C16orf78: variants seen among roughly 807,000 people sequenced by gnomAD.
C16orf78 encodes uncharacterized protein C16orf78.
In C16orf78, 19 loss-of-function variants were observed where a neutral mutation model predicts 27.3. That is an observed-to-expected ratio of 0.70 (90% CI 0.49 to 1.02). The LOEUF is 1.02. C16orf78 is among the 50% of genes least tolerant of loss of function. The pLI, the probability that C16orf78 is intolerant of heterozygous loss-of-function variation, is 0.00. For synonymous variants in C16orf78, 130 were observed against 116.1 expected (o/e 1.12, Z -0.77); for missense variants, 339 against 337.0 (o/e 1.01, Z -0.05).
chr16:49,399,078 G>T, intron 4 of C16orf78, 53 bp from the exon 5 acceptor site: 1 of 1,582,528 alleles, frequency 6.3e-7, no homozygotes, highest in South Asian at 1.1e-5. Flanking sequence ...AATAAAGTTA[G>T]AAGCTGCTGT....
intron 3 of C16orf78, among the ~76,000 whole-genome samples, chr16:49,379,334 C>A (rs1003905656): frequency 2.0e-5 from 3 of 151,794 alleles, no homozygotes; most frequent in African/African-American, 7.3e-5. Flanking sequence ...AAAACAGATA[C>A]ATTTGTTATG....
intron 3 of C16orf78, among the ~76,000 whole-genome samples, chr16:49,378,864 T>C (rs2356264): frequency 6.8e-6 from 1 of 147,358 alleles, no homozygotes; most frequent in Non-Finnish European, 1.5e-5. Context: ...ACCAGCCTCA[T>C]GTGTCCAGGT....
At chr16:49,399,090 A>G in intron 4 of C16orf78, 41 bp from the exon 5 acceptor site, 1 of 1,602,966 alleles carries the variant, frequency 6.2e-7, no homozygotes, top group Non-Finnish European at 8.5e-7. Flanking sequence ...AGCTGCTGTG[A>G]CTCCACCTTC....
Position 49,396,466 on chromosome 16 carries a change from G to T in C16orf78, c.438G>T (p.Arg146=). 1.9e-6 allele frequency: 3 copies of T among 1,614,132 alleles called. No individual in the cohort carries two copies. Among genetic ancestry groups the T allele is most frequent in the Non-Finnish European group, 2.5e-6 (3 of 1,180,018 alleles). ...CAGTCGACCCAGAGTCCACTCAGCG[G>T]CCAAACCCATTCCGTCGACAAAGCA... ...KDAVDPESTQ[R]PNPFRRQSIV... is the part of the protein sequence containing the mutation. The change falls in exon 4 of 5, where the codon CGG becomes CGT. Residue 146 remains arginine, a synonymous_variant. Transcript: ENST00000299191.
chr16:49,382,667 C>T (rs539363613), intron 3 of C16orf78, among the ~76,000 whole-genome samples: 39 of 152,242 alleles, frequency 2.6e-4, no homozygotes, highest in Non-Finnish European at 5.0e-4. Flanking sequence ...AGGAAGCACT[C>T]ACTCTCAGAT....
intron 3 of C16orf78, among the ~76,000 whole-genome samples, chr16:49,386,597 C>G (rs1965354426): frequency 1.3e-5 from 2 of 152,270 alleles, no homozygotes; most frequent in South Asian, 4.2e-4. Context: ...CTTCCTCCTC[C>G]CACCCTCCAC....
intron 3 of C16orf78, among the ~76,000 whole-genome samples, chr16:49,393,113 C>A (rs1159809557): frequency 6.6e-6 from 1 of 152,136 alleles, no homozygotes; most frequent in Non-Finnish European, 1.5e-5. Context: ...TATAAATTAC[C>A]CAGTCTCGGG....
chr16:49,398,690 T>C (rs1350988502), intron 4 of C16orf78, among the ~76,000 whole-genome samples: 19 of 152,198 alleles, frequency 1.2e-4, no homozygotes, highest in Non-Finnish European at 2.9e-5. Flanking sequence ...CCATTCTAAC[T>C]GTGGCCTTTT....
Position 49,399,057 on chromosome 16 carries a change from A to G in C16orf78, c.651-74A>G. 4.6e-6 allele frequency: 7 copies of G among 1,509,118 alleles called. No homozygotes were observed. In the Admixed American group the frequency reaches 5.3e-5, roughly 11 times the overall value. The allele number at this position is 1,509,118 out of a possible 1,614,324, so 93.5% of individuals were successfully genotyped here. A position where few individuals can be genotyped will look rare whatever the true frequency, so the allele number is the denominator to read the frequency against. On this transcript the variant is annotated intron_variant, in intron 4 of 4. Transcript: ENST00000299191. The stretch of plus-strand genomic sequence containing the variant: ...CCCACACTTACTGCTGCTCAAATCT[A>G]AGCTCTTTTCAATAAAGTTAGAAGC...
chr16:49,375,329 T>C (rs529582303), intron 1 of C16orf78, among the ~76,000 whole-genome samples: 1 of 151,998 alleles, frequency 6.6e-6, no homozygotes, highest in East Asian at 1.9e-4. Context: ...GGTCATTTAT[T>C]TAAAAAAAAA....
At chr16:49,395,044 T>C (rs1438444710) in intron 3 of C16orf78, among the ~76,000 whole-genome samples, 1 of 152,024 alleles carries the variant, frequency 6.6e-6, no homozygotes, top group African/African-American at 2.4e-5. Flanking sequence ...TTTTTTTTGT[T>C]GTTGTTAGAG....
At chr16:49,383,003 G>T (rs943336643) in intron 3 of C16orf78, among the ~76,000 whole-genome samples, 3 of 152,236 alleles carry the variant, frequency 2.0e-5, no homozygotes, top group Non-Finnish European at 4.4e-5. Context: ...ATGCCAGCAG[G>T]TCAGGCTGAC....
chr16:49,391,482 T>A (rs1000221764), intron 3 of C16orf78, among the ~76,000 whole-genome samples: 1 of 152,190 alleles, frequency 6.6e-6, no homozygotes, highest in Non-Finnish European at 1.5e-5. Flanking sequence ...GGGTCATTTT[T>A]GTCCAAAAGA....
chr16:49,380,194 C>T (rs796818490), intron 3 of C16orf78, among the ~76,000 whole-genome samples: 11 of 152,272 alleles, frequency 7.2e-5, no homozygotes, highest in African/African-American at 2.4e-4. Context: ...GGTTTTGGGA[C>T]GCAGACTGGC....
At chr16:49,388,556 G>A (rs370324973) in intron 3 of C16orf78, among the ~76,000 whole-genome samples, 9 of 152,096 alleles carry the variant, frequency 5.9e-5, no homozygotes, top group South Asian at 4.1e-4. Context: ...TTGTTATCCA[G>A]GCTGGAGTGC....
chr16:49,397,973 C>T (rs190534660), intron 4 of C16orf78, among the ~76,000 whole-genome samples: 33 of 152,210 alleles, frequency 2.2e-4, no homozygotes, highest in Admixed American at 2.1e-3. Flanking sequence ...GCCATGTTTC[C>T]CAGGCTGGTC....
At chr16:49,374,219 G>T in intron 1 of C16orf78, 130 bp downstream of exon 1, 2 of 1,124,852 alleles carry the variant, frequency 1.8e-6, no homozygotes, top group Admixed American at 2.7e-5. Context: ...AAGCTAGTGA[G>T]AACTACCCAA....
intron 3 of C16orf78, among the ~76,000 whole-genome samples, chr16:49,388,850 CTAA>C (rs1965379394): frequency 6.6e-6 from 1 of 152,234 alleles, no homozygotes. Flanking sequence ...GTCTTGATTT[CTAA>C]TTTTATTGCA....
At chr16:49,399,082 CT>C in intron 4 of C16orf78, 48 bp from the exon 5 acceptor site, 1 of 1,586,624 alleles carries the variant, frequency 6.3e-7, no homozygotes, top group Non-Finnish European at 8.6e-7. Context: ...AAGTTAGAAG[CT>C]GCTGTGACTC....
Sources: gnomAD v4.1 joint callset for allele counts (sites outside exome capture counted in the v4.1 genomes callset) on GRCh38, gnomAD v4.1.1 for gene constraint, MANE v1.5 for transcripts, NCBI Gene and HGNC (gene_info 2026-07-23, HGNC 2026-07-21) for gene names.